Variants in CFAP43 observed in about 807,000 individuals in gnomAD.
CFAP43 encodes the protein cilia and flagella associated protein 43.
A neutral mutation model predicts 218.9 loss-of-function variants in CFAP43; 155 were observed. That is an observed-to-expected ratio of 0.71 (90% CI 0.62 to 0.81). The LOEUF (loss-of-function observed/expected upper bound fraction) is 0.81. Ranked by LOEUF, CFAP43 falls within the 30% of genes least tolerant of loss-of-function variation. The pLI is 0.00. For synonymous variants in CFAP43, 645 were observed against 681.3 expected, an observed-to-expected ratio of 0.95 and a Z score of 0.83; for missense variants, 1,778 against 1,954.3, an observed-to-expected ratio of 0.91 and a Z score of 1.70.
chr10:104,136,060 G>A (rs1476476221), intron 34 of CFAP43, among the ~76,000 whole-genome samples: 4 of 151,794 alleles, frequency 2.6e-5, no homozygotes, highest in Non-Finnish European at 5.9e-5. Context: ...GACCAGCCTG[G>A]CCAACAAGGT....
chr10:104,194,326 A>G (rs2090322977), intron 10 of CFAP43, among the ~76,000 whole-genome samples: 1 of 152,210 alleles, frequency 6.6e-6, no homozygotes, highest in Non-Finnish European at 1.5e-5. Flanking sequence ...CCAATAATCT[A>G]TTTAAGTGAT....
intron 10 of CFAP43, among the ~76,000 whole-genome samples, chr10:104,194,405 C>T (rs977325507): frequency 1.3e-5 from 2 of 152,096 alleles, no homozygotes; most frequent in African/African-American, 2.4e-5. Context: ...ATCTTTTAAA[C>T]ATTTTTAAAT....
At chr10:104,175,768 T>C (rs1241055733) in intron 19 of CFAP43, among the ~76,000 whole-genome samples, 1 of 152,238 alleles carries the variant, frequency 6.6e-6, no homozygotes, top group African/African-American at 2.4e-5. Context: ...CCCAAGTTTC[T>C]ACTGAATGTG....
chr10:104,201,730 T>C (rs1480068023), intron 8 of CFAP43, among the ~76,000 whole-genome samples: 1 of 152,096 alleles, frequency 6.6e-6, no homozygotes, highest in African/African-American at 2.4e-5. Flanking sequence ...GTACATCTTC[T>C]ACAATGTGTC....
In CFAP43 at chr10:104,196,900, A is replaced by G; in HGVS notation, c.1246T>C (p.Trp416Arg). 1 of 1,613,442 alleles carries G rather than the reference A, an allele frequency of 6.2e-7. No individual in the cohort carries two copies. Among genetic ancestry groups the G allele is most frequent in the Non-Finnish European group, 8.5e-7 (1 of 1,179,706 alleles). ...CTTACACAAGCACAATCCTCCAGCC[A>G]CCAAACACAAATTTCCCCTGAATAT... is the stretch of plus-strand genomic sequence containing the variant. ...LTYSGEICVW[W>R]LEDCACVSKI... is the part of the protein sequence containing the mutation. Residue 416 changes from tryptophan (W) to arginine (R), a missense_variant, in exon 10 of 38, where the codon TGG becomes CGG. This residue lies in a region of CFAP43 where 1,553 missense variants were observed against 1,685.2 expected (regional missense o/e 0.92). Transcript: ENST00000357060.
At chr10:104,195,382 T>C (rs2090354548) in intron 10 of CFAP43, among the ~76,000 whole-genome samples, 1 of 152,210 alleles carries the variant, frequency 6.6e-6, no homozygotes, top group Admixed American at 6.5e-5. Flanking sequence ...TGTGATTAAA[T>C]GCACTTGTAA....
chr10:104,141,845 G>A (rs2087721410), intron 33 of CFAP43, among the ~76,000 whole-genome samples: 1 of 152,094 alleles, frequency 6.6e-6, no homozygotes, highest in African/African-American at 2.4e-5. Context: ...ATGAAGCAAG[G>A]ACTTAAATAT....
intron 2 of CFAP43, among the ~76,000 whole-genome samples, chr10:104,228,018 A>C (rs1357785569): frequency 2.6e-5 from 4 of 151,402 alleles, no homozygotes; most frequent in African/African-American, 9.7e-5. Context: ...TAACTTTTGT[A>C]TTTTTAGTAA....
chr10:104,206,914 C>T (rs1482478172), intron 6 of CFAP43, among the ~76,000 whole-genome samples: 2 of 152,316 alleles, frequency 1.3e-5, no homozygotes, highest in African/African-American at 4.8e-5. Flanking sequence ...TGGCTCCTGC[C>T]TGTAATCCCA....
In CFAP43 at chr10:104,161,060, C is replaced by A; in HGVS notation, c.3517G>T (p.Glu1173Ter). The A allele has an allele frequency of 6.2e-7, 1 of 1,610,336 alleles. No individual in the cohort carries two copies. The highest frequency in any genetic ancestry group is 8.5e-7 in the Non-Finnish European group (1 of 1,177,072). ...DYEKKVKELN[E>*]ERDKYRKSLE... ...ACCTTTCTATACTTATCTCTTTCTT[C>A]ATTTAACTCCTTTACTTTTTTCTCA... Residue 1173 changes from glutamate (E) to a stop codon, truncating the protein, a stop_gained, in exon 27 of 38, where the codon GAA (glutamate) becomes TAA (stop). Coordinates refer to ENST00000357060, the MANE Select transcript of CFAP43 (RefSeq NM_025145.7). LOFTEE classifies it high-confidence loss of function.
intron 20 of CFAP43, among the ~76,000 whole-genome samples, chr10:104,171,197 A>G (rs945474879): frequency 2.6e-5 from 4 of 152,218 alleles, no homozygotes; most frequent in African/African-American, 9.6e-5. Context: ...CCATGACAGC[A>G]GAAATGTGTC....
Position 104,167,660 on chromosome 10 carries a change from T to C in CFAP43, c.2769A>G (p.Arg923=). Residue 923 remains arginine, a synonymous_variant, in exon 22 of 38, where the codon AGA becomes AGG. Transcript: ENST00000357060. The part of the protein sequence containing the change: ...RTVEELKELE[R]VLQQKKIEAE... ...CTTCAATCTTCTTTTGCTGTAAAAC[T>C]CTTTCCAATTCTTTCAGCTCTTCAA... 1.9e-6 allele frequency: 3 copies of C among 1,612,604 alleles called. No individual in the cohort carries two copies. The highest frequency in any genetic ancestry group is 1.3e-5 in the African/African-American group (1 of 74,968).
Position 104,187,374 on chromosome 10 carries a change from T to C in CFAP43, c.1806A>G (p.Ile602Met). The change falls in exon 14 of 38, where the codon ATA (isoleucine) becomes ATG (methionine). Residue 602 changes from isoleucine (I) to methionine (M), a missense_variant. Around this residue, in one of 3 missense-constraint regions of CFAP43, gnomAD observed 1,553 missense variants for 1,685.2 expected, o/e 0.92. Transcript: ENST00000357060. ...SAVLGFQSNQIYGFCSQVPYI... is the reference protein window; with the variant it reads ...SAVLGFQSNQMYGFCSQVPYI... ...ATGGCACTTGACTACAGAAGCCATATATTTGGTTACTTTGAAAGCCCAAGA... is the reference window on the plus strand; with the variant it reads ...ATGGCACTTGACTACAGAAGCCATACATTTGGTTACTTTGAAAGCCCAAGA... The C allele has an allele frequency of 1.2e-6, 2 of 1,612,052 alleles. No individual in the cohort carries two copies. Among genetic ancestry groups the C allele is most frequent in the Non-Finnish European group, 1.7e-6 (2 of 1,179,430 alleles).
Position 104,226,015 on chromosome 10 carries a change from A to C in CFAP43, c.320-458T>G, listed in dbSNP as rs371459725. 1.2e-4 allele frequency among the ~76,000 whole-genome samples: 18 copies of C among 152,352 alleles called. No homozygotes were observed. The East Asian group carries it at 2.9e-3, about 24-fold the overall frequency. On this transcript the variant is annotated intron_variant, in intron 2 of 37. Transcript: ENST00000357060. ...TAGCTTAATATCTGCCAGCTTTTGG[A>C]ACAGCTATAAAAAGTGACATACTCC...
chr10:104,159,533 C>T (rs1361413705), intron 27 of CFAP43, among the ~76,000 whole-genome samples: 1 of 152,076 alleles, frequency 6.6e-6, no homozygotes, highest in Non-Finnish European at 1.5e-5. Context: ...GGGATGGTGA[C>T]TAGTGCACCA....
intron 2 of CFAP43, among the ~76,000 whole-genome samples, chr10:104,227,259 C>T (rs895503237): frequency 6.6e-6 from 1 of 152,146 alleles, no homozygotes; most frequent in Non-Finnish European, 1.5e-5. Context: ...GCTTTTTAAG[C>T]TCATTTGCAT....
At chr10:104,139,676 TAAAG>T (rs1319136416) in intron 34 of CFAP43, among the ~76,000 whole-genome samples, 1 of 152,066 alleles carries the variant, frequency 6.6e-6, no homozygotes, top group African/African-American at 2.4e-5. Flanking sequence ...CTTTTTCAGA[TAAAG>T]AAAAATGGAG....
Position 104,164,202 on chromosome 10 carries a change from A to G in CFAP43, c.3138T>C (p.Val1046=). The G allele has an allele frequency of 6.2e-7, 1 of 1,614,176 alleles. No homozygotes were observed. The highest frequency in any genetic ancestry group is 1.1e-5 in the South Asian group (1 of 91,080). Reference sequence around the variant, plus strand: ...GATCTAAAATAATTTCTCGAATTCGAACATTTCTTTCCTTCACGCGTGCAA... The same window carrying G: ...GATCTAAAATAATTTCTCGAATTCGGACATTTCTTTCCTTCACGCGTGCAA... ...FEIARVKERN[V]RIREIILDLE... is the part of the protein sequence containing the mutation. The change falls in exon 24 of 38, where the codon GTT becomes GTC. Residue 1046 remains valine, a synonymous_variant. Transcript: ENST00000357060.
chr10:104,186,602 A>C (rs1487782000), intron 14 of CFAP43, among the ~76,000 whole-genome samples: 2 of 152,158 alleles, frequency 1.3e-5, no homozygotes, highest in African/African-American at 2.4e-5. Flanking sequence ...AATTGTATGC[A>C]ATATCTCTCC....
Sources: gnomAD v4.1 joint callset for allele counts (sites outside exome capture counted in the v4.1 genomes callset) on GRCh38, gnomAD v4.1.1 for gene constraint, gnomAD v4.1.1 regional missense constraint, MANE v1.5 for transcripts, NCBI Gene and HGNC (gene_info 2026-07-23, HGNC 2026-07-21) for gene names.